Variants in SLC22A15 observed in about 807,000 individuals in gnomAD.
The protein encoded by SLC22A15 is flipt 1.
Under a neutral mutation model 62.7 loss-of-function variants are expected in SLC22A15, and 45 were observed. That is an observed-to-expected ratio of 0.72 (90% CI 0.56 to 0.92). The LOEUF is 0.92. Among genes scored for constraint, SLC22A15 ranks in the 40% least tolerant of loss-of-function variants. The pLI, the probability that SLC22A15 is intolerant of heterozygous loss-of-function variation, is 0.00. For missense variants in SLC22A15, 622 were observed against 665.6 expected, an observed-to-expected ratio of 0.93 and a Z score of 0.72; for synonymous variants, 264 against 267.0, an observed-to-expected ratio of 0.99 and a Z score of 0.11.
At chr1:116,033,557 C>CTGTG (rs752224418) in intron 6 of SLC22A15, among the ~76,000 whole-genome samples, 286 of 149,548 alleles carry the variant, frequency 1.9e-3, no homozygotes, top group African/African-American at 6.8e-3. Context: ...AGGGGTGTCT[C>CTGTG]TGTGTGTGTG....
intron 4 of SLC22A15, among the ~76,000 whole-genome samples, chr1:116,022,650 C>G (rs1383717699): frequency 1.3e-5 from 2 of 152,176 alleles, no homozygotes; most frequent in African/African-American, 4.8e-5. Context: ...TGCTCTCTTG[C>G]TAGTTGCCTA....
At chr1:116,004,912 C>A (rs1655902994) in intron 2 of SLC22A15, among the ~76,000 whole-genome samples, 1 of 152,038 alleles carries the variant, frequency 6.6e-6, no homozygotes, top group South Asian at 2.1e-4. Flanking sequence ...TGTACTTTTC[C>A]AGGAATTGGT....
At chr1:116,051,829 T>A (rs1429626649) in intron 8 of SLC22A15, among the ~76,000 whole-genome samples, 1 of 152,144 alleles carries the variant, frequency 6.6e-6, no homozygotes, top group Non-Finnish European at 1.5e-5. Flanking sequence ...AGATTTGTGA[T>A]TTAACTGGGA....
rs188497897 is a variant in SLC22A15 at position 116,016,391 on chromosome 1, T to C, written c.301-3191T>C. Among the ~76,000 whole-genome samples the C allele has an allele frequency of 1.5e-3, 219 of 144,384 alleles. 2 individuals carry two copies. In the Middle Eastern group the frequency reaches 0.021, roughly 14 times the overall value. 94.7% of individuals were successfully genotyped at this position (144,384 alleles called of 152,430 possible). On this transcript the variant is annotated intron_variant, in intron 2 of 11. Transcript: ENST00000369503. ...ACAGGTGTGCACCACCACACCCAGC[T>C]AATTTTTGTGTGTTTTGTATAGACA... is the stretch of plus-strand genomic sequence containing the variant.
At chr1:116,020,911 G>A in intron 4 of SLC22A15, 26 bp downstream of exon 4, 1 of 1,574,968 alleles carries the variant, frequency 6.3e-7, no homozygotes, top group Non-Finnish European at 8.6e-7. Flanking sequence ...TGCAGCTCTG[G>A]ACTGGGTGAG....
chr1:115,997,111 G>A (rs1243110944), intron 2 of SLC22A15, among the ~76,000 whole-genome samples: 2 of 152,060 alleles, frequency 1.3e-5, no homozygotes, highest in Non-Finnish European at 2.9e-5. Flanking sequence ...GGTTTTTATA[G>A]ATACTCTTTA....
rs1655173518 is a variant in SLC22A15 at position 115,992,165 on chromosome 1, C to G, written c.222C>G (p.Asp74Glu). The G allele has an allele frequency of 6.2e-7, 1 of 1,612,686 alleles. No homozygotes were observed. The highest frequency in any genetic ancestry group is 1.3e-5 in the African/African-American group (1 of 74,906). Residue 74 changes from aspartate (D) to glutamate (E), a missense_variant, in exon 2 of 12, where the codon GAC (aspartate) becomes GAG (glutamate). Transcript: ENST00000369503. ...QSAGEDQAFG[D>E]WLLTANGSEI... ...CTGGTGAAGACCAGGCCTTTGGGGA[C>G]TGGCTCCTGACAGCCAACGGCAGTG...
intron 8 of SLC22A15, among the ~76,000 whole-genome samples, chr1:116,040,553 C>CTTTCCA (rs1657750801): frequency 6.6e-6 from 1 of 152,204 alleles, no homozygotes. Flanking sequence ...GATTCAGATT[C>CTTTCCA]TTTCCAACTC....
chr1:115,991,966 C>A, intron 1 of SLC22A15, 65 bp from the exon 2 acceptor site: 1 of 1,394,006 alleles, frequency 7.2e-7, no homozygotes, highest in Non-Finnish European at 1.0e-6. Context: ...TGCAAGCCTG[C>A]TAAGTGTCTT....
chr1:115,984,866 A>C (rs569476066), intron 1 of SLC22A15, among the ~76,000 whole-genome samples: 2 of 152,260 alleles, frequency 1.3e-5, no homozygotes, highest in South Asian at 4.1e-4. Flanking sequence ...AAATAGAAAA[A>C]AGCTTATAGA....
intron 6 of SLC22A15, among the ~76,000 whole-genome samples, chr1:116,034,174 T>C (rs994462583): frequency 6.6e-6 from 1 of 152,224 alleles, no homozygotes; most frequent in Admixed American, 6.5e-5. Context: ...CCTGATGAAC[T>C]TAACAAAGCT....
chr1:116,063,954 A>C (rs146760569), intron 9 of SLC22A15, among the ~76,000 whole-genome samples: 45 of 152,208 alleles, frequency 3.0e-4, no homozygotes, highest in African/African-American at 1.0e-3. Context: ...GTTAATTGTT[A>C]ATTAGTTAGT....
chr1:115,981,179 G>A (rs1654592697), intron 1 of SLC22A15, among the ~76,000 whole-genome samples: 1 of 152,138 alleles, frequency 6.6e-6, no homozygotes, highest in South Asian at 2.1e-4. Context: ...AGCAAGTGAT[G>A]AAGTTCACAC....
intron 2 of SLC22A15, among the ~76,000 whole-genome samples, chr1:116,007,876 T>C (rs954694865): frequency 1.3e-4 from 20 of 152,252 alleles, no homozygotes; most frequent in African/African-American, 4.8e-4. Flanking sequence ...TTAAATGGTA[T>C]CTTAGTTGGC....
intron 2 of SLC22A15, among the ~76,000 whole-genome samples, chr1:116,009,540 G>C (rs773906769): frequency 2.6e-5 from 4 of 152,184 alleles, no homozygotes; most frequent in Non-Finnish European, 5.9e-5. Context: ...GTTGGCATCA[G>C]TTACACTTTA....
intron 8 of SLC22A15, among the ~76,000 whole-genome samples, chr1:116,045,039 T>C (rs1570764507): frequency 6.6e-6 from 1 of 152,248 alleles, no homozygotes; most frequent in East Asian, 1.9e-4. Flanking sequence ...GACAAGTTAA[T>C]ACTAAAACTT....
In SLC22A15 at chr1:116,067,224, A is replaced by T; in HGVS notation, c.*116A>T. Reference sequence around the variant, plus strand: ...AAATAGAGGCTTGGCTTGAATGTACATAGATGGTACCTGGCATGGACTGAT... The same window carrying T: ...AAATAGAGGCTTGGCTTGAATGTACTTAGATGGTACCTGGCATGGACTGAT... On this transcript the variant is annotated 3_prime_UTR_variant, in exon 12 of 12. Transcript: ENST00000369503. 1 of 759,576 alleles carries T rather than the reference A, an allele frequency of 1.3e-6. No homozygotes were observed. 47.1% of individuals were successfully genotyped at this position (759,576 alleles called of 1,614,324 possible). A position where few individuals can be genotyped will look rare whatever the true frequency, so the allele number is the denominator to read the frequency against.
intron 4 of SLC22A15, among the ~76,000 whole-genome samples, chr1:116,022,733 A>T (rs188578539): frequency 6.6e-6 from 1 of 152,296 alleles, no homozygotes; most frequent in African/African-American, 2.4e-5. Context: ...TTAAGATGAG[A>T]CTATCAAAAT....
intron 2 of SLC22A15, among the ~76,000 whole-genome samples, chr1:115,993,426 A>AGTGTGT (rs1553216968): frequency 0.017 from 2,070 of 122,840 alleles, 55 homozygotes; most frequent in African/African-American, 0.078. Context: ...TGAGTGTGTG[A>AGTGTGT]GAGTGTGTGT....
Sources: allele counts gnomAD v4.1 joint callset (sites outside exome capture counted in the v4.1 genomes callset), GRCh38; gene constraint gnomAD v4.1.1; transcripts MANE v1.5; gene names NCBI Gene and HGNC (gene_info 2026-07-23, HGNC 2026-07-21).